The following SRP54 variants were observed in gnomAD, a reference collection of about 807,000 sequenced individuals.
SRP54 encodes signal recognition particle 54.
SRP54 carries 10 observed loss-of-function variants against 64.8 expected under a neutral mutation model. The ratio of observed to expected loss-of-function variants is 0.15; its 90% confidence interval spans 0.10 to 0.26. The LOEUF is 0.26. Among genes scored for constraint, SRP54 ranks in the 10% least tolerant of loss-of-function variants. The probability of loss-of-function intolerance (pLI) is 1.00; values close to 1 mark genes in which losing one functional copy is unlikely to be tolerated. For missense variants in SRP54, 325 were observed against 613.7 expected (o/e 0.53, Z 4.97); for synonymous variants, 193 against 185.6 (o/e 1.04, Z -0.32).
At chr14:34,990,471 G>A (rs1371955995) in intron 1 of SRP54, among the ~76,000 whole-genome samples, 2 of 152,076 alleles carry the variant, frequency 1.3e-5, no homozygotes, top group Non-Finnish European at 1.5e-5. Context: ...TAAAATTGTT[G>A]TAAGAGTGAA....
rs35829734 is a variant in SRP54 at position 34,995,134 on chromosome 14, GGTGTGTGTGTGTGTGTGTGT to G, written c.-33-1508_-33-1489del. Among the ~76,000 whole-genome samples the G allele has an allele frequency of 1.1e-3, 79 of 70,328 alleles. 1 individual carries two copies. Among genetic ancestry groups the G allele is most frequent in the African/African-American group, 3.6e-3 (73 of 20,144 alleles). 46.1% of individuals were successfully genotyped at this position (70,328 alleles called of 152,430 possible). ...TTCCAGAGAAGCAGAATCAATAAAGGGTGTGTGTGTGTGTGTGTGTGTGTGTGTGTGTGTGTGTGTGTGTG... is the reference window on the plus strand; with the variant it reads ...TTCCAGAGAAGCAGAATCAATAAAGGGTGTGTGTGTGTGTGTGTGTGTGTG... On this transcript the variant is annotated intron_variant, in intron 1 of 15. Coordinates refer to ENST00000216774, the MANE Select transcript of SRP54 (RefSeq NM_003136.4).
chr14:34,991,163 T>G (rs2043971557), intron 1 of SRP54, among the ~76,000 whole-genome samples: 1 of 149,938 alleles, frequency 6.7e-6, no homozygotes, highest in Non-Finnish European at 1.5e-5. Flanking sequence ...GGAGTTTTGC[T>G]CTTTCACCCA....
At chr14:34,991,755 A>G (rs898925093) in intron 1 of SRP54, among the ~76,000 whole-genome samples, 10 of 151,760 alleles carry the variant, frequency 6.6e-5, no homozygotes, top group Non-Finnish European at 1.3e-4. Flanking sequence ...GGGGCCTTAC[A>G]GTCCATTCTG....
chr14:35,010,394 T>G (rs1566650879), intron 7 of SRP54, among the ~76,000 whole-genome samples: 1 of 151,396 alleles, frequency 6.6e-6, no homozygotes, highest in Non-Finnish European at 1.5e-5. Context: ...TGCGGTGAGC[T>G]GAGATGGCAT....
intron 4 of SRP54, among the ~76,000 whole-genome samples, chr14:35,002,709 A>G (rs978202399): frequency 6.1e-5 from 9 of 147,884 alleles, no homozygotes; most frequent in Admixed American, 2.0e-4. Context: ...TGCTGGGACT[A>G]CAACCATGAG....
At chr14:34,987,600 A>G (rs1165488479) in intron 1 of SRP54, among the ~76,000 whole-genome samples, 1 of 152,096 alleles carries the variant, frequency 6.6e-6, no homozygotes, top group African/African-American at 2.4e-5. Flanking sequence ...GTTGTGGCAT[A>G]TGTTCAGTAC....
In SRP54 at chr14:34,999,590, C is replaced by T. The variant is rs200674081; in HGVS notation, c.111C>T (p.Thr37=). The change falls in exon 3 of 16, where the codon ACC becomes ACT. Residue 37 remains threonine (T), a synonymous_variant. Transcript: ENST00000216774. The part of the protein sequence containing the change: ...VLNAMLKEVC[T]ALLEADVNIK... ...ATGCTATGCTAAAAGAAGTCTGTACCGCTTTGTTGGAAGCAGATGTTAATA... is the reference window on the plus strand; with the variant it reads ...ATGCTATGCTAAAAGAAGTCTGTACTGCTTTGTTGGAAGCAGATGTTAATA... The T allele has an allele frequency of 7.6e-5, 123 of 1,612,922 alleles. No individual in the cohort carries two copies. Among genetic ancestry groups the T allele is most frequent in the Admixed American group, 1.7e-4 (10 of 59,926 alleles).
At chr14:35,007,062 G>A (rs2044268083) in intron 4 of SRP54, among the ~76,000 whole-genome samples, 1 of 152,034 alleles carries the variant, frequency 6.6e-6, no homozygotes, top group Non-Finnish European at 1.5e-5. Context: ...GTGTGGTGGC[G>A]TGTGCCTGTA....
At chr14:34,985,799 TC>T (rs1385691004) in intron 1 of SRP54, among the ~76,000 whole-genome samples, 1 of 152,170 alleles carries the variant, frequency 6.6e-6, no homozygotes, top group Non-Finnish European at 1.5e-5. Flanking sequence ...ATGAAGCTAC[TC>T]CCCCTAAAAC....
At chr14:34,983,323 C>T (rs776080503) in intron 1 of SRP54, 108 bp downstream of exon 1, 1 of 152,316 alleles carries the variant, frequency 6.6e-6, no homozygotes, top group African/African-American at 2.4e-5. Context: ...TCCGTGGCCA[C>T]CGGCCATCGT....
intron 1 of SRP54, among the ~76,000 whole-genome samples, chr14:34,984,029 A>AAG (rs2043853180): frequency 1.3e-5 from 2 of 152,170 alleles, no homozygotes; most frequent in Non-Finnish European, 2.9e-5. Flanking sequence ...GAGATTAGGT[A>AAG]AGAGGTTTGG....
chr14:35,022,693 G>A (rs1381550630), intron 13 of SRP54, among the ~76,000 whole-genome samples: 7 of 152,104 alleles, frequency 4.6e-5, no homozygotes, highest in African/African-American at 1.4e-4. Context: ...CAAACATAGC[G>A]AATGTTAACA....
chr14:35,006,861 A>G (rs1191700303), intron 4 of SRP54, among the ~76,000 whole-genome samples: 1 of 152,284 alleles, frequency 6.6e-6, no homozygotes, highest in African/African-American at 2.4e-5. Flanking sequence ...ATAATAGCTT[A>G]TGGTAGCTTT....
At chr14:34,988,584 T>TATATATATATATATATATATATAAC (rs2043936551) in intron 1 of SRP54, among the ~76,000 whole-genome samples, 2 of 74,916 alleles carry the variant, frequency 2.7e-5, no homozygotes, top group African/African-American at 9.0e-5. Flanking sequence ...AAAAAATATA[T>TATATATATATATATATATATATAAC]ATATATATAT....
chr14:35,027,042 T>TG (rs71121261), intron 14 of SRP54, among the ~76,000 whole-genome samples: 10 of 150,740 alleles, frequency 6.6e-5, no homozygotes, highest in Non-Finnish European at 3.0e-5. Context: ...TTTTTTTTTT[T>TG]CTTCTGAGAC....
intron 1 of SRP54, among the ~76,000 whole-genome samples, chr14:34,989,782 CATTAAA>C (rs1406489671): frequency 8.5e-5 from 13 of 152,066 alleles, no homozygotes; most frequent in Admixed American, 2.0e-4. Flanking sequence ...TAGTTGGTAT[CATTAAA>C]AAAAGAAAGG....
chr14:34,994,948 T>C (rs1191103002), intron 1 of SRP54, among the ~76,000 whole-genome samples: 18 of 147,552 alleles, frequency 1.2e-4, no homozygotes, highest in African/African-American at 4.0e-4. Context: ...TTTTTTTTTT[T>C]TTTTTTTTTT....
Position 34,998,987 on chromosome 14 carries a change from G to T in SRP54, c.79-571G>T, listed in dbSNP as rs1168943806. Among the ~76,000 whole-genome samples the T allele has an allele frequency of 3.0e-3, 285 of 93,656 alleles. 3 individuals are homozygous for T. The highest frequency in any genetic ancestry group is 9.6e-3 in the African/African-American group (278 of 28,938). 61.4% of individuals were successfully genotyped at this position (93,656 alleles called of 152,430 possible). A position where few individuals can be genotyped will look rare whatever the true frequency, so the allele number is the denominator to read the frequency against. ...ACTTTGTGTGTATGTGTGTGTGTGT[G>T]TGTGTGTGTGTGTGTGTGTGTGTGT... On this transcript the variant is annotated intron_variant, in intron 2 of 15. Transcript: ENST00000216774.
chr14:35,003,885 G>A (rs1352298249), intron 4 of SRP54, among the ~76,000 whole-genome samples: 1 of 150,116 alleles, frequency 6.7e-6, no homozygotes, highest in Non-Finnish European at 1.5e-5. Flanking sequence ...AGTGAGCCGA[G>A]ACCACGCCAC....
Sources: gnomAD v4.1 joint callset for allele counts (sites outside exome capture counted in the v4.1 genomes callset) on GRCh38, gnomAD v4.1.1 for gene constraint, MANE v1.5 for transcripts, NCBI Gene and HGNC (gene_info 2026-07-23, HGNC 2026-07-21) for gene names.